Variants in PRELID2 observed in about 807,000 individuals in gnomAD.
PRELID2 encodes PRELI domain-containing protein 2.
PRELID2 carries 25 observed loss-of-function variants against 28.4 expected under a neutral mutation model. The observed-to-expected ratio is 0.88, with a 90% CI of 0.64 to 1.23. PRELID2 has a LOEUF of 1.23. PRELID2 is among the 50% of genes most tolerant of loss of function. PRELID2 has a pLI of 0.00. For missense variants in PRELID2, 201 were observed against 214.4 expected (o/e 0.94, Z 0.39); for synonymous variants, 76 against 71.6 (o/e 1.06, Z -0.31).
In PRELID2 at chr5:145,773,377, G is replaced by A. The variant is rs79403587; in HGVS notation, c.475-8377C>T. ...TTTTCTATTTTACAAAGTTACTTCC[G>A]CCACCTTCCAATGTGACTCAATTAA... On this transcript the variant is annotated intron_variant, in intron 5 of 6. Transcript: ENST00000683046. Among the ~76,000 whole-genome samples, 1,034 of 152,122 alleles carry A rather than the reference G, an allele frequency of 6.8e-3. 23 individuals are homozygous for A. Among genetic ancestry groups the A allele is most frequent in the African/African-American group, 0.023 (972 of 41,492 alleles).
the PRELID2 span, among the ~76,000 whole-genome samples, chr5:145,298,667 G>A: frequency 4.6e-5 from 7 of 152,152 alleles, no homozygotes; most frequent in South Asian, 1.5e-3. Flanking sequence ...ACAAATGCCG[G>A]TACGTGTCAA....
chr5:145,307,503 C>A, the PRELID2 span, among the ~76,000 whole-genome samples: 1 of 152,222 alleles, frequency 6.6e-6, no homozygotes, highest in African/African-American at 2.4e-5. Context: ...CCCACCTCTA[C>A]TTAATCCAGA....
chr5:145,502,254 T>A (rs1196478784), intron 1 of PRELID2, among the ~76,000 whole-genome samples: 1 of 151,388 alleles, frequency 6.6e-6, no homozygotes, highest in Admixed American at 6.6e-5. Flanking sequence ...AGAGGAGAGG[T>A]GCTACCTACT....
chr5:145,558,053 G>A (rs1000820848), intron 1 of PRELID2, among the ~76,000 whole-genome samples: 3 of 152,296 alleles, frequency 2.0e-5, no homozygotes, highest in Middle Eastern at 6.8e-3. Context: ...CATTTAATGA[G>A]CACTAAGTCA....
At position 145,760,232 on chromosome 5, in the gene PRELID2, G is replaced by C. The variant is rs1024061929; in HGVS notation, c.*304C>G. The C allele has an allele frequency of 6.6e-6, 1 of 152,092 alleles. No homozygotes were observed. Among genetic ancestry groups the C allele is most frequent in the African/African-American group, 2.4e-5 (1 of 41,400 alleles). The allele number at this position is 152,092 out of a possible 1,614,324, so 9.4% of individuals were successfully genotyped here. ...ACAACCAGCAGAACACCCTGAGGAAGGGCACACATATCTTACATGGTTCTT... is the reference window on the plus strand; with the variant it reads ...ACAACCAGCAGAACACCCTGAGGAACGGCACACATATCTTACATGGTTCTT... On this transcript the variant is annotated 3_prime_UTR_variant, in exon 7 of 7. Coordinates refer to ENST00000683046, the MANE Select transcript of PRELID2 (RefSeq NM_205846.3).
rs772108837 is a variant in PRELID2, at chr5:145,513,142, C to T, written n.71-39827G>A. 7.2e-5 allele frequency among the ~76,000 whole-genome samples: 11 copies of T among 151,920 alleles called. No individual in the cohort carries two copies. The South Asian group carries it at 1.5e-3, about 20-fold the overall frequency. ...AAAACTGGACGGAGAACGAATTTGA[C>T]GAGTTGATAGAAGTAGGCTTCAGAA... is the stretch of plus-strand genomic sequence containing the variant. On this transcript the variant is annotated intron_variant and non_coding_transcript_variant, in intron 1 of 2. Transcript: ENST00000510259.
the PRELID2 span, chr5:145,230,189 T>A: frequency 1.0e-5 from 4 of 388,950 alleles, no homozygotes. Flanking sequence ...AGGCCCCAGC[T>A]TTGTTCCGTG....
intron 1 of PRELID2, chr5:145,826,118 A>G (rs1755174866): frequency 1.0e-6 from 1 of 985,436 alleles, no homozygotes; most frequent in Non-Finnish European, 1.2e-6. Flanking sequence ...TTAACTGAGC[A>G]GCTACTGTGT....
chr5:145,256,710 A>G, the PRELID2 span, among the ~76,000 whole-genome samples: 1 of 152,104 alleles, frequency 6.6e-6, no homozygotes, highest in South Asian at 2.1e-4. Context: ...CTGAACTACT[A>G]AGATTTTTAA....
At chr5:145,317,272 G>C in the PRELID2 span, among the ~76,000 whole-genome samples, 3 of 152,184 alleles carry the variant, frequency 2.0e-5, no homozygotes, top group Non-Finnish European at 4.4e-5. Flanking sequence ...TCTAGAAGTT[G>C]AACACACAAA....
chr5:145,419,654 C>G, the PRELID2 span, among the ~76,000 whole-genome samples: 1 of 151,774 alleles, frequency 6.6e-6, no homozygotes, highest in Non-Finnish European at 1.5e-5. Context: ...GAGTAGGTTG[C>G]GAAAATTTTC....
At chr5:145,229,564 G>C in the PRELID2 span, 1 of 1,476,710 alleles carries the variant, frequency 6.8e-7, no homozygotes, top group Non-Finnish European at 9.3e-7. Context: ...CCTCCTTGGA[G>C]CTCTTCATGT....
downstream of PRELID2, among the ~76,000 whole-genome samples, chr5:145,470,842 T>C (rs1752047665): frequency 6.6e-6 from 1 of 152,138 alleles, no homozygotes; most frequent in African/African-American, 2.4e-5. Context: ...CATCTTCCAA[T>C]GAAGTATCTG....
intron 1 of PRELID2, among the ~76,000 whole-genome samples, chr5:145,705,999 G>A (rs1439685613): frequency 6.6e-6 from 1 of 151,000 alleles, no homozygotes; most frequent in Non-Finnish European, 1.5e-5. Flanking sequence ...CAAAATGTTA[G>A]AAAGAAAAAA....
chr5:145,314,750 G>A, the PRELID2 span, among the ~76,000 whole-genome samples: 3 of 151,850 alleles, frequency 2.0e-5, no homozygotes, highest in Admixed American at 2.0e-4. Context: ...TTAAGGTCAA[G>A]TTTTCTATAT....
intron 5 of PRELID2, among the ~76,000 whole-genome samples, chr5:145,772,882 C>G (rs758256505): frequency 9.8e-5 from 15 of 152,334 alleles, no homozygotes; most frequent in Admixed American, 3.3e-4. Flanking sequence ...CTAATCCCAT[C>G]TACAAACTGT....
chr5:145,313,520 G>T, the PRELID2 span, among the ~76,000 whole-genome samples: 8 of 148,132 alleles, frequency 5.4e-5, no homozygotes, highest in African/African-American at 2.1e-4. Context: ...TCCTGCATCT[G>T]CTCTCCGACA....
intron 1 of PRELID2, among the ~76,000 whole-genome samples, chr5:145,598,481 A>AT (rs1753343311): frequency 1.3e-5 from 2 of 152,230 alleles, no homozygotes; most frequent in African/African-American, 4.8e-5. Context: ...TAACAAAAAA[A>AT]TAGATAAATC....
chr5:145,773,528 G>C (rs1758231669), intron 5 of PRELID2, among the ~76,000 whole-genome samples: 1 of 152,112 alleles, frequency 6.6e-6, no homozygotes, highest in African/African-American at 2.4e-5. Context: ...TATAACATTT[G>C]ATCATCTGTT....
Sources: gnomAD v4.1 joint callset for allele counts (sites outside exome capture counted in the v4.1 genomes callset) on GRCh38, gnomAD v4.1.1 for gene constraint, MANE v1.5 for transcripts, NCBI Gene and HGNC (gene_info 2026-07-23, HGNC 2026-07-21) for gene names.